RBM19: variants seen among roughly 807,000 people sequenced by gnomAD.
RBM19 encodes the protein RNA binding motif protein 19.
In RBM19, 94 loss-of-function variants were observed where a neutral mutation model predicts 116.8. The observed-to-expected ratio is 0.80, with a 90% confidence interval of 0.68 to 0.95. RBM19 has a LOEUF of 0.95. RBM19 is among the 40% of genes least tolerant of loss of function. RBM19 has a pLI of 0.00. For synonymous variants in RBM19, 475 were observed against 494.1 expected, an observed-to-expected ratio of 0.96 and a Z score of 0.51; for missense variants, 1,161 against 1,220.7, an observed-to-expected ratio of 0.95 and a Z score of 0.73.
intron 21 of RBM19, among the ~76,000 whole-genome samples, chr12:113,861,871 C>T (rs1003923437): frequency 6.6e-6 from 1 of 152,048 alleles, no homozygotes; most frequent in Non-Finnish European, 1.5e-5. Flanking sequence ...AGCTGAAGGG[C>T]CTTGGGGGAG....
At chr12:113,860,807 A>C (rs1262989032) in intron 21 of RBM19, among the ~76,000 whole-genome samples, 3 of 152,130 alleles carry the variant, frequency 2.0e-5, no homozygotes, top group Non-Finnish European at 4.4e-5. Context: ...TCAGCTCCGC[A>C]AGAGTCCAGG....
chr12:113,913,431 C>G (rs1278415260), intron 21 of RBM19, among the ~76,000 whole-genome samples: 1 of 152,146 alleles, frequency 6.6e-6, no homozygotes, highest in Non-Finnish European at 1.5e-5. Context: ...GCAGGATACC[C>G]GGAGATCATA....
intron 19 of RBM19, among the ~76,000 whole-genome samples, chr12:113,919,791 C>A (rs1354982358): frequency 6.6e-6 from 1 of 152,100 alleles, no homozygotes; most frequent in East Asian, 1.9e-4. Context: ...GTTCTCCCCA[C>A]CTTCTCCCCA....
intron 2 of RBM19, among the ~76,000 whole-genome samples, chr12:113,961,557 T>C (rs1011430754): frequency 2.6e-5 from 4 of 152,240 alleles, no homozygotes; most frequent in Non-Finnish European, 2.9e-5. Context: ...TACGATTGTG[T>C]CTATATAGGA....
chr12:113,956,472 T>C (rs1871948608), intron 6 of RBM19, among the ~76,000 whole-genome samples: 1 of 149,826 alleles, frequency 6.7e-6, no homozygotes, highest in South Asian at 2.1e-4. Context: ...TCCCAGCTAC[T>C]CGGGAGGCTG....
At position 113,957,789 on chromosome 12, in the gene RBM19, C is replaced by G; in HGVS notation, c.833G>C (p.Arg278Thr). ...PAGKKRPPEA[R>T]AETEKPANQK... Reference sequence around the variant, plus strand: ...TGCGGGATACACACGCACCTCGGCTCTGGCCTCCGGTGGTCTCTTTTTCCC... The same window carrying G: ...TGCGGGATACACACGCACCTCGGCTGTGGCCTCCGGTGGTCTCTTTTTCCC... The change falls in exon 6 of 24, where the codon AGA becomes ACA. Residue 278 changes from arginine to threonine, a missense_variant. Coordinates refer to ENST00000261741, the MANE Select transcript of RBM19 (RefSeq NM_016196.4). 1.3e-6 allele frequency: 2 copies of G among 1,590,786 alleles called. No homozygotes were observed. Among genetic ancestry groups the G allele is most frequent in the Non-Finnish European group, 1.7e-6 (2 of 1,167,380 alleles).
chr12:113,921,097 G>C (rs760317523), intron 18 of RBM19, among the ~76,000 whole-genome samples: 4 of 152,162 alleles, frequency 2.6e-5, no homozygotes, highest in Non-Finnish European at 5.9e-5. Context: ...CGCACCAAAG[G>C]CTTGCTCTTC....
At chr12:113,832,853 G>A (rs1417380252) in intron 23 of RBM19, among the ~76,000 whole-genome samples, 1 of 152,178 alleles carries the variant, frequency 6.6e-6, no homozygotes, top group Non-Finnish European at 1.5e-5. Flanking sequence ...ATGTTTTCAT[G>A]GGCAAGATCA....
intron 22 of RBM19, among the ~76,000 whole-genome samples, chr12:113,856,130 G>A (rs138668432): frequency 9.2e-5 from 14 of 152,262 alleles, no homozygotes; most frequent in Non-Finnish European, 2.1e-4. Context: ...GGCCAGTCCC[G>A]GAGAGGCTGT....
Position 113,930,827 on chromosome 12 carries a change from A to G in RBM19, c.2069-3598T>C, listed in dbSNP as rs550600564. The stretch of plus-strand genomic sequence containing the variant: ...AGTTCAAGGGCATCATGGTCTTTAG[A>G]GATCTGCCGGAGAAGGGGGCCTGGA... On this transcript the variant is annotated intron_variant, in intron 16 of 23. Coordinates refer to ENST00000261741, the MANE Select transcript of RBM19 (RefSeq NM_016196.4). Among the ~76,000 whole-genome samples the G allele has an allele frequency of 5.5e-4, 84 of 152,288 alleles. 1 individual carries two copies. Among genetic ancestry groups the G allele is most frequent in the Non-Finnish European group, 9.8e-4 (67 of 68,032 alleles).
At chr12:113,879,909 G>A (rs1373697051) in intron 21 of RBM19, among the ~76,000 whole-genome samples, 2 of 151,956 alleles carry the variant, frequency 1.3e-5, no homozygotes, top group African/African-American at 4.8e-5. Flanking sequence ...TGAGCAGAGA[G>A]GGGCTGAGGC....
At chr12:113,868,527 C>T (rs1879000984) in intron 21 of RBM19, among the ~76,000 whole-genome samples, 1 of 152,192 alleles carries the variant, frequency 6.6e-6, no homozygotes, top group South Asian at 2.1e-4. Flanking sequence ...CAGAGTTCAG[C>T]AAGCTTTTCT....
Position 113,863,211 on chromosome 12 carries a change from C to CTGTGTG in RBM19, c.2559-4321_2559-4316dup, listed in dbSNP as rs3065431. Among the ~76,000 whole-genome samples, 183 of 148,512 alleles carry CTGTGTG rather than the reference C, an allele frequency of 1.2e-3. 1 individual carries two copies. Among genetic ancestry groups the CTGTGTG allele is most frequent in the African/African-American group, 4.2e-3 (169 of 40,288 alleles). On this transcript the variant is annotated intron_variant, in intron 21 of 23. Coordinates refer to ENST00000261741, the MANE Select transcript of RBM19 (RefSeq NM_016196.4). ...CTGAAGGCAGACACAATACGTGTGT[C>CTGTGTG]TGTGTGTGTGTGTGTGTGTGTGTGT... is the stretch of plus-strand genomic sequence containing the variant.
rs76931258 is a variant in RBM19, at chr12:113,961,655, C to T, written c.219+577G>A. Among the ~76,000 whole-genome samples, 461 of 152,340 alleles carry T rather than the reference C, an allele frequency of 3.0e-3. 16 individuals are homozygous for T. In the East Asian group the frequency reaches 0.075, roughly 25 times the overall value. Reference sequence around the variant, plus strand: ...TGTTTTTACGAAGTCACTAAATACACGAGTGACCTGAGTGGAGCCCACTCC... The same window carrying T: ...TGTTTTTACGAAGTCACTAAATACATGAGTGACCTGAGTGGAGCCCACTCC... On this transcript the variant is annotated intron_variant, in intron 2 of 23. Coordinates refer to ENST00000261741, the MANE Select transcript of RBM19 (RefSeq NM_016196.4).
rs755441221 is a variant in RBM19 at position 113,966,254 on chromosome 12, C to T, written c.-27G>A. 37 of 1,613,922 alleles carry T rather than the reference C, an allele frequency of 2.3e-5. No individual in the cohort carries two copies. In the Admixed American group the frequency reaches 5.7e-4, roughly 25 times the overall value. Reference sequence around the variant, plus strand: ...GCGCAGGGTCCCCGCTGTTTTGATTCCAACACGACTGGTCAGCGTCTTCCA... The same window carrying T: ...GCGCAGGGTCCCCGCTGTTTTGATTTCAACACGACTGGTCAGCGTCTTCCA... On this transcript the variant is annotated 5_prime_UTR_variant, in exon 1 of 24. Transcript: ENST00000261741.
chr12:113,874,184 T>C (rs1879496838), intron 21 of RBM19, among the ~76,000 whole-genome samples: 1 of 152,228 alleles, frequency 6.6e-6, no homozygotes, highest in African/African-American at 2.4e-5. Context: ...TTGGTCTTCC[T>C]TGCTAACTAC....
At chr12:113,878,269 A>T (rs1318907982) in intron 21 of RBM19, among the ~76,000 whole-genome samples, 2 of 152,120 alleles carry the variant, frequency 1.3e-5, no homozygotes, top group Non-Finnish European at 2.9e-5. Flanking sequence ...GTCACCCTAA[A>T]CACCCGGTGT....
Position 113,955,329 on chromosome 12 carries a change from G to C in RBM19, c.841-118C>G. On this transcript the variant is annotated intron_variant, in intron 6 of 23. Transcript: ENST00000261741. The stretch of plus-strand genomic sequence containing the variant: ...GGTGCCTGCCGCCAGGGGGAGCTGG[G>C]GAATGCTGGGAAGAATCAATGTCCA... The C allele has an allele frequency of 3.2e-6, 3 of 939,162 alleles. No individual in the cohort carries two copies. The Admixed American group carries it at 5.7e-5, about 18-fold the overall frequency. 58.2% of individuals were successfully genotyped at this position (939,162 alleles called of 1,614,324 possible).
In RBM19 at chr12:113,955,082, G is replaced by A. The variant is rs574284360; in HGVS notation, c.921+49C>T. 6.4e-5 allele frequency: 102 copies of A among 1,584,966 alleles called. No homozygotes were observed. The East Asian group carries it at 1.6e-3, about 25-fold the overall frequency. ...AAAGGCTCCTGGCCTCCCCACCCTC[G>A]TCTCCTGCTCCCGCAGGCTGCCGAC... On this transcript the variant is annotated intron_variant, in intron 7 of 23. Coordinates refer to ENST00000261741, the MANE Select transcript of RBM19 (RefSeq NM_016196.4).
Sources: gnomAD v4.1 joint callset for allele counts (sites outside exome capture counted in the v4.1 genomes callset) on GRCh38, gnomAD v4.1.1 for gene constraint, MANE v1.5 for transcripts, NCBI Gene and HGNC (gene_info 2026-07-23, HGNC 2026-07-21) for gene names.